The following PRTG variants were observed in gnomAD, a reference collection of about 807,000 sequenced individuals.
PRTG encodes immunoglobulin superfamily, DCC subclass, member 5.
In PRTG, 67 loss-of-function variants were observed where a neutral mutation model predicts 122.5. The ratio of observed to expected loss-of-function variants is 0.55; its 90% confidence interval spans 0.45 to 0.67. PRTG has a LOEUF of 0.67. PRTG is among the 30% of genes least tolerant of loss of function. The probability of loss-of-function intolerance (pLI) is 0.00; values close to 1 mark genes in which losing one functional copy is unlikely to be tolerated. For missense variants in PRTG, 1,435 were observed against 1,415.4 expected, an observed-to-expected ratio of 1.01 and a Z score of -0.22; for synonymous variants, 554 against 501.1, an observed-to-expected ratio of 1.11 and a Z score of -1.41.
At chr15:55,739,243 A>G (rs1201526905) in intron 2 of PRTG, among the ~76,000 whole-genome samples, 2 of 149,956 alleles carry the variant, frequency 1.3e-5, no homozygotes, top group Non-Finnish European at 3.0e-5. Context: ...ACTATTTCCT[A>G]AATATTATGG....
At chr15:55,700,509 C>T (rs1039795884) in intron 2 of PRTG, among the ~76,000 whole-genome samples, 5 of 152,030 alleles carry the variant, frequency 3.3e-5, no homozygotes, top group South Asian at 2.1e-4. Context: ...TGGCTGGCAA[C>T]GGTGGCTCAT....
intron 2 of PRTG, among the ~76,000 whole-genome samples, chr15:55,718,303 A>G (rs2030675983): frequency 6.6e-6 from 1 of 152,136 alleles, no homozygotes; most frequent in African/African-American, 2.4e-5. Context: ...GATGCCTGAC[A>G]TCTAGGCATT....
At chr15:55,638,458 G>A (rs1474036676) in intron 14 of PRTG, 91 bp downstream of exon 14, 7 of 942,606 alleles carry the variant, frequency 7.4e-6, no homozygotes, top group Non-Finnish European at 1.1e-5. Flanking sequence ...GGCAACTAGG[G>A]TAGTATCCTA....
At chr15:55,652,433 G>C (rs1239725835) in intron 11 of PRTG, among the ~76,000 whole-genome samples, 1 of 152,204 alleles carries the variant, frequency 6.6e-6, no homozygotes, top group Non-Finnish European at 1.5e-5. Context: ...GGTTTTGTGT[G>C]AGCCTTTTCA....
At chr15:55,681,714 T>C (rs1357567818) in intron 4 of PRTG, among the ~76,000 whole-genome samples, 1 of 152,160 alleles carries the variant, frequency 6.6e-6, no homozygotes, top group African/African-American at 2.4e-5. Flanking sequence ...CAAATCGTGG[T>C]ATTTCTTTAA....
intron 11 of PRTG, among the ~76,000 whole-genome samples, chr15:55,649,690 G>A (rs900253899): frequency 2.5e-4 from 38 of 152,018 alleles, no homozygotes; most frequent in African/African-American, 9.2e-4. Context: ...TACTCGGGTG[G>A]CTGAGGCACA....
At chr15:55,662,414 T>A (rs981526960) in intron 11 of PRTG, among the ~76,000 whole-genome samples, 1 of 152,204 alleles carries the variant, frequency 6.6e-6, no homozygotes, top group Non-Finnish European at 1.5e-5. Flanking sequence ...GGTTTTCAAA[T>A]ATTGAAGAAA....
Position 55,619,268 on chromosome 15 carries a change from A to T in PRTG, c.*744T>A, listed in dbSNP as rs1430692380. On this transcript the variant is annotated 3_prime_UTR_variant, in exon 20 of 20. Transcript: ENST00000389286. ...CCTGGTATTGAATAGTTCTGTTCTC[A>T]AAAGAAATATACTTTCTTGTTTTGG... 2.0e-5 allele frequency: 3 copies of T among 152,238 alleles called. No homozygotes were observed. Among genetic ancestry groups the T allele is most frequent in the African/African-American group, 7.2e-5 (3 of 41,472 alleles). The allele number at this position is 152,238 out of a possible 1,614,324, so 9.4% of individuals were successfully genotyped here.
rs1242571148 is a variant in PRTG at position 55,679,456 on chromosome 15, A to AC, written c.974-12_974-11insG. 1 of 1,600,558 alleles carries AC rather than the reference A, an allele frequency of 6.2e-7. No homozygotes were observed. Among genetic ancestry groups the AC allele is most frequent in the South Asian group, 1.1e-5 (1 of 89,764 alleles). ...CAAATGAAGGAGGAGCTATTTTTAA[A>AC]GAAAAAAATGAAATATTTCTGTGAT... On this transcript the variant is annotated splice_polypyrimidine_tract_variant and intron_variant, in intron 6 of 19. Coordinates refer to ENST00000389286, the MANE Select transcript of PRTG (RefSeq NM_173814.6).
Position 55,628,946 on chromosome 15 carries a change from C to G in PRTG, c.2682G>C (p.Lys894Asn). Reference sequence around the variant, plus strand: ...CTCCCACCTCATTGGATGCAGATATCTTGACAATGTACACATTTCCTGCTA... The same window carrying G: ...CTCCCACCTCATTGGATGCAGATATGTTGACAATGTACACATTTCCTGCTA... ...NLVAGNVYIV[K>N]ISASNEVGEG... Residue 894 changes from lysine (K) to asparagine (N), a missense_variant, in exon 16 of 20, where the codon AAG becomes AAC. Physicochemically the swap from Lys to Asn is moderately conservative, Grantham distance 94 (BLOSUM62 0). Transcript: ENST00000389286. The G allele has an allele frequency of 6.2e-7, 1 of 1,613,942 alleles. No individual in the cohort carries two copies. The highest frequency in any genetic ancestry group is 8.5e-7 in the Non-Finnish European group (1 of 1,179,894).
At chr15:55,692,461 C>T (rs1550330) in intron 2 of PRTG, among the ~76,000 whole-genome samples, 105,845 of 151,946 alleles carry the variant, frequency 0.7, 37,892 homozygotes, top group Non-Finnish European at 0.79. Context: ...GTTTCTGGCC[C>T]GTAAAGGTTG....
intron 11 of PRTG, among the ~76,000 whole-genome samples, chr15:55,644,937 C>T (rs151067013): frequency 9.5e-4 from 144 of 152,212 alleles, no homozygotes; most frequent in African/African-American, 3.3e-3. Flanking sequence ...ATTTTTAAAA[C>T]TATAAAGTAC....
intron 8 of PRTG, among the ~76,000 whole-genome samples, chr15:55,676,866 A>T (rs2059505640): frequency 6.6e-6 from 1 of 152,220 alleles, no homozygotes; most frequent in Non-Finnish European, 1.5e-5. Context: ...TCTTGCTTCC[A>T]TGACCCCTGA....
Position 55,615,687 on chromosome 15 carries a change from T to G in PRTG, c.*4325A>C, listed in dbSNP as rs1403856613. On this transcript the variant is annotated 3_prime_UTR_variant, in exon 20 of 20. Transcript: ENST00000389286. ...TCAGGAAGAAAGTCTGCAAAACACA[T>G]GTGCAGTCTTAGTGACTGTTTCAAT... 6.6e-6 allele frequency: 1 copy of G among 152,060 alleles called. No homozygotes were observed. The highest frequency in any genetic ancestry group is 1.9e-4 in the East Asian group (1 of 5,192). 9.4% of individuals were successfully genotyped at this position (152,060 alleles called of 1,614,324 possible).
intron 11 of PRTG, among the ~76,000 whole-genome samples, chr15:55,646,345 C>T (rs780123642): frequency 7.8e-5 from 11 of 141,922 alleles, no homozygotes; most frequent in South Asian, 6.6e-4. Flanking sequence ...TTTTTTAGGA[C>T]GGAGTCTTGC....
chr15:55,621,591 A>C (rs988020587), intron 18 of PRTG, among the ~76,000 whole-genome samples: 1 of 152,058 alleles, frequency 6.6e-6, no homozygotes, highest in Non-Finnish European at 1.5e-5. Flanking sequence ...CCCGGGGCCG[A>C]GATCGCGCCA....
chr15:55,633,630 C>T (rs148605215), intron 15 of PRTG, among the ~76,000 whole-genome samples: 153 of 152,068 alleles, frequency 1.0e-3, no homozygotes, highest in African/African-American at 3.4e-3. Flanking sequence ...TTTTCTATAC[C>T]GTACCTTTTC....
At position 55,682,487 on chromosome 15, in the gene PRTG, G is replaced by C. The variant is rs753129340; in HGVS notation, c.553C>G (p.Leu185Val). The change falls in exon 4 of 20, where the codon CTA (leucine) becomes GTA (valine). Residue 185 changes from leucine (L) to valine (V), a missense_variant. Physicochemically the swap from Leu to Val is conservative, Grantham distance 32. Coordinates refer to ENST00000389286, the MANE Select transcript of PRTG (RefSeq NM_173814.6). The part of the protein sequence containing the change: ...LPMTMDRITA[L>V]PTGVLQIYDV... ...TAGATCTGCAATACTCCTGTTGGTA[G>C]GGCAGTTATCCTGTTATGAGAGAAA... 4 of 1,541,388 alleles carry C rather than the reference G, an allele frequency of 2.6e-6. No homozygotes were observed. The African/African-American group carries it at 5.5e-5, about 21-fold the overall frequency.
intron 2 of PRTG, among the ~76,000 whole-genome samples, chr15:55,726,406 AATAG>A (rs1176788479): frequency 6.6e-6 from 1 of 152,180 alleles, no homozygotes; most frequent in African/African-American, 2.4e-5. Context: ...CAAAGACGCA[AATAG>A]ATAGAATGGA....
Sources: allele counts gnomAD v4.1 joint callset (sites outside exome capture counted in the v4.1 genomes callset), GRCh38; gene constraint gnomAD v4.1.1; transcripts MANE v1.5; gene names NCBI Gene and HGNC (gene_info 2026-07-23, HGNC 2026-07-21).